Variants in HMOX2 observed in about 807,000 individuals in gnomAD.
HMOX2 encodes the protein heme oxygenase (decycling) 2.
A neutral mutation model predicts 33.7 loss-of-function variants in HMOX2; 30 were observed. The ratio of observed to expected loss-of-function variants is 0.89; its 90% CI spans 0.67 to 1.21. The LOEUF (loss-of-function observed/expected upper bound fraction) is 1.21. Among genes scored for constraint, HMOX2 ranks in the 50% most tolerant of loss-of-function variants. The probability of loss-of-function intolerance (pLI) is 0.00; values close to 1 mark genes in which losing one functional copy is unlikely to be tolerated. For missense variants in HMOX2, 403 were observed against 399.1 expected (o/e 1.01, Z -0.08); for synonymous variants, 155 against 155.0 (o/e 1.00, Z 0.00).
intron 1 of HMOX2, among the ~76,000 whole-genome samples, chr16:4,499,424 C>G (rs944943624): frequency 6.6e-6 from 1 of 151,988 alleles, no homozygotes; most frequent in African/African-American, 2.4e-5. Flanking sequence ...ACAAATGGTG[C>G]ATGATATCAC....
In HMOX2 at chr16:4,509,720, C is replaced by G; in HGVS notation, c.915C>G (p.Ala305=). The part of the protein sequence containing the change: ...SLQFILAAGV[A]LAAGLLAWYY... ...AGTTCATCCTGGCCGCTGGTGTGGC[C>G]CTAGCTGCTGGACTCTTGGCCTGGT... Residue 305 remains alanine, a synonymous_variant, in exon 6 of 6, where the codon GCC becomes GCG. Coordinates refer to ENST00000570646, the MANE Select transcript of HMOX2 (RefSeq NM_002134.4). The G allele has an allele frequency of 6.2e-7, 1 of 1,613,826 alleles. No individual in the cohort carries two copies. Among genetic ancestry groups the G allele is most frequent in the Non-Finnish European group, 8.5e-7 (1 of 1,179,982 alleles).
Position 4,505,572 on chromosome 16 carries a change from AAAG to A in HMOX2, c.51_53del (p.Lys17del). 1 of 1,605,044 alleles carries A rather than the reference AAAG, an allele frequency of 6.2e-7. No individual in the cohort carries two copies. The highest frequency in any genetic ancestry group is 1.7e-5 in the Admixed American group (1 of 58,962). On this transcript the variant is annotated inframe_deletion, in exon 2 of 6. Coordinates refer to ENST00000570646, the MANE Select transcript of HMOX2 (RefSeq NM_002134.4). ...CAGAGGGGGTAGACGAGTCAGAAAA[AAAG>A]AACTCTGGGGCCCTAGAAAAGGAGA...
intron 1 of HMOX2, among the ~76,000 whole-genome samples, chr16:4,477,429 G>T (rs1477912947): frequency 1.3e-5 from 2 of 150,730 alleles, no homozygotes; most frequent in South Asian, 2.1e-4. Context: ...AACCCGGGAG[G>T]CAGAGGTTGC....
At position 4,493,286 on chromosome 16, in the gene HMOX2, G is replaced by A. The variant is rs182867236; in HGVS notation, c.-41-12198G>A. Among the ~76,000 whole-genome samples, 7 of 152,202 alleles carry A rather than the reference G, an allele frequency of 4.6e-5. No homozygotes were observed. The East Asian group carries it at 1.2e-3, about 25-fold the overall frequency. On this transcript the variant is annotated intron_variant, in intron 1 of 5. Coordinates refer to ENST00000570646, the MANE Select transcript of HMOX2 (RefSeq NM_002134.4). ...GCCCAGGTCAGTCTCAAACTCCTAG[G>A]CTCAAGCAATCCTCCTGCCTTGGCT...
chr16:4,493,173 A>C (rs945222095), intron 1 of HMOX2, among the ~76,000 whole-genome samples: 2 of 152,064 alleles, frequency 1.3e-5, no homozygotes, highest in Non-Finnish European at 2.9e-5. Context: ...GGATGTGACC[A>C]CAACTGCATG....
At chr16:4,478,279 C>T (rs2057924451) in intron 1 of HMOX2, among the ~76,000 whole-genome samples, 1 of 152,158 alleles carries the variant, frequency 6.6e-6, no homozygotes, top group African/African-American at 2.4e-5. Flanking sequence ...GCATTGACCG[C>T]CTTTAGCTCA....
chr16:4,482,698 A>G (rs972394911), intron 1 of HMOX2, among the ~76,000 whole-genome samples: 5 of 152,160 alleles, frequency 3.3e-5, no homozygotes, highest in Non-Finnish European at 5.9e-5. Context: ...AAAACACTTT[A>G]CTTACATTTA....
chr16:4,480,409 G>A (rs1443274788), intron 1 of HMOX2, among the ~76,000 whole-genome samples: 30 of 135,598 alleles, frequency 2.2e-4, no homozygotes, highest in Non-Finnish European at 3.9e-4. Context: ...CAGTGGCGCC[G>A]TCTCGGCTCA....
intron 1 of HMOX2, among the ~76,000 whole-genome samples, chr16:4,482,675 C>T (rs1444558128): frequency 6.6e-6 from 1 of 152,140 alleles, no homozygotes; most frequent in Non-Finnish European, 1.5e-5. Flanking sequence ...TAGAGTGGGT[C>T]ACAGAACTCA....
At chr16:4,485,881 G>A (rs1372278400) in intron 1 of HMOX2, among the ~76,000 whole-genome samples, 2 of 151,852 alleles carry the variant, frequency 1.3e-5, no homozygotes. Context: ...CTGCCACCAC[G>A]CCCGGCTAAT....
intron 1 of HMOX2, among the ~76,000 whole-genome samples, chr16:4,503,154 T>C (rs538645399): frequency 6.6e-6 from 1 of 151,910 alleles, no homozygotes; most frequent in African/African-American, 2.4e-5. Context: ...AAAGAAAACA[T>C]TTATAAATCA....
At chr16:4,496,884 G>A (rs369387169) in intron 1 of HMOX2, 2 of 149,792 alleles carry the variant, frequency 1.3e-5, no homozygotes, top group Non-Finnish European at 3.0e-5. Context: ...TTGTAGAGAC[G>A]GGGGGTCTCA....
chr16:4,508,759 T>TA (rs891559503), intron 4 of HMOX2, among the ~76,000 whole-genome samples: 18 of 152,218 alleles, frequency 1.2e-4, no homozygotes, highest in African/African-American at 3.9e-4. Flanking sequence ...TGCTTCTTGA[T>TA]AAAAAAATAA....
At chr16:4,476,181 T>G (rs1261904852), upstream of HMOX2, 2 of 152,300 alleles carry the variant, frequency 1.3e-5, no homozygotes, top group Non-Finnish European at 2.9e-5. Context: ...TGAGGCACCC[T>G]CACACACCTC....
chr16:4,499,208 G>A (rs994154464), intron 1 of HMOX2, among the ~76,000 whole-genome samples: 16 of 152,184 alleles, frequency 1.1e-4, no homozygotes, highest in South Asian at 2.1e-4. Flanking sequence ...AATATTTGAG[G>A]TGGTGCTGCA....
intron 3 of HMOX2, 114 bp downstream of exon 3, chr16:4,507,126 A>G (rs2141608333): frequency 8.2e-6 from 6 of 735,186 alleles, no homozygotes; most frequent in Non-Finnish European, 1.5e-5. Flanking sequence ...GCTTTTCTCC[A>G]CACTCCATTC....
chr16:4,485,111 G>A (rs1473735847), intron 1 of HMOX2, among the ~76,000 whole-genome samples: 1 of 151,900 alleles, frequency 6.6e-6, no homozygotes, highest in East Asian at 1.9e-4. Context: ...GATTACAGGT[G>A]CCTGCCACAA....
chr16:4,484,466 T>C (rs1424442252), intron 1 of HMOX2, among the ~76,000 whole-genome samples: 12 of 148,594 alleles, frequency 8.1e-5, no homozygotes, highest in African/African-American at 3.0e-4. Flanking sequence ...TTTTCTTTTT[T>C]TTTTTTTTTT....
At chr16:4,479,206 T>C (rs1213262868) in intron 1 of HMOX2, among the ~76,000 whole-genome samples, 2 of 152,166 alleles carry the variant, frequency 1.3e-5, no homozygotes, top group African/African-American at 2.4e-5. Context: ...AGCACATACC[T>C]GTAATCTCAG....
Sources: allele counts gnomAD v4.1 joint callset (sites outside exome capture counted in the v4.1 genomes callset), GRCh38; gene constraint gnomAD v4.1.1; transcripts MANE v1.5; gene names NCBI Gene and HGNC (gene_info 2026-07-23, HGNC 2026-07-21).